The following CNNM1 variants were observed in gnomAD, a reference collection of about 807,000 sequenced individuals.
The protein encoded by CNNM1 is metal transporter CNNM1.
In CNNM1, 44 loss-of-function variants were observed where a neutral mutation model predicts 78.8. The ratio of observed to expected loss-of-function variants is 0.56; its 90% confidence interval spans 0.44 to 0.72. The LOEUF (loss-of-function observed/expected upper bound fraction) is 0.72, where lower values mean the gene tolerates loss of function less well. CNNM1 is among the 30% of genes least tolerant of loss of function. CNNM1 has a pLI of 0.00. For missense variants in CNNM1, 1,101 were observed against 1,292.2 expected (o/e 0.85, Z 2.27); for synonymous variants, 584 against 581.5 (o/e 1.00, Z -0.06).
chr10:99,356,622 A>AAAGAAAG (rs1258336501), intron 1 of CNNM1, among the ~76,000 whole-genome samples: 1 of 110,716 alleles, frequency 9.0e-6, no homozygotes, highest in African/African-American at 2.7e-5. Context: ...AGAAAGAAAG[A>AAAGAAAG]AAAGAAAAGA....
chr10:99,376,189 G>A (rs2031955524), intron 6 of CNNM1, among the ~76,000 whole-genome samples: 1 of 152,128 alleles, frequency 6.6e-6, no homozygotes, highest in Non-Finnish European at 1.5e-5. Context: ...GATGTGCTGA[G>A]CCAGAGCCTG....
At chr10:99,340,919 A>G (rs1318517939) in intron 1 of CNNM1, among the ~76,000 whole-genome samples, 4 of 93,220 alleles carry the variant, frequency 4.3e-5, no homozygotes, top group Admixed American at 3.8e-4. Flanking sequence ...CCTGTATTGA[A>G]TGGCCATTCT....
At chr10:99,345,562 G>T (rs980001483) in intron 1 of CNNM1, among the ~76,000 whole-genome samples, 1 of 152,166 alleles carries the variant, frequency 6.6e-6, no homozygotes, top group Non-Finnish European at 1.5e-5. Flanking sequence ...ACCTGAGAAT[G>T]ACACCATCTG....
intron 4 of CNNM1, among the ~76,000 whole-genome samples, chr10:99,362,615 A>T (rs2031477535): frequency 6.6e-6 from 1 of 152,008 alleles, no homozygotes; most frequent in Non-Finnish European, 1.5e-5. Context: ...TAGTTTGACA[A>T]CTCAGCGATG....
chr10:99,356,609 G>GAAAGAA (rs1564947475), intron 1 of CNNM1, among the ~76,000 whole-genome samples: 2 of 132,554 alleles, frequency 1.5e-5, no homozygotes, highest in Non-Finnish European at 3.2e-5. Context: ...AGAAAGAAAA[G>GAAAGAA]AAAGAAAGAA....
At position 99,388,176 on chromosome 10, in the gene CNNM1, G is replaced by C. The variant is rs374814462; in HGVS notation, c.2549G>C (p.Ser850Thr). The part of the protein sequence containing the change: ...LPCSRSDGLR[S>T]PSEVVYLRME... ...GGCAGCCGCTCAGACGGGCTGAGAA[G>C]CCCCAGCGAGGTAGTGTACCTGAGG... Residue 850 changes from serine (S) to threonine (T), a missense_variant, in exon 9 of 11, where the codon AGC (serine) becomes ACC (threonine). By Grantham distance (58) the Ser-to-Thr change is moderately conservative (BLOSUM62 1). Transcript: ENST00000356713. 1.2e-3 allele frequency: 1,966 copies of C among 1,613,788 alleles called. 30 individuals carry two copies. The South Asian group carries it at 0.021, about 17-fold the overall frequency.
intron 6 of CNNM1, among the ~76,000 whole-genome samples, chr10:99,371,289 G>A (rs995601929): frequency 6.6e-6 from 1 of 152,152 alleles, no homozygotes; most frequent in South Asian, 2.1e-4. Flanking sequence ...TCCAGGTTGT[G>A]GTGTGGTTAA....
chr10:99,366,625 T>A (rs950223717), intron 6 of CNNM1, among the ~76,000 whole-genome samples: 19 of 152,096 alleles, frequency 1.2e-4, no homozygotes, highest in African/African-American at 4.3e-4. Flanking sequence ...CTACTAAAAA[T>A]ACAAAAATTA....
chr10:99,361,108 A>G (rs2031418406), intron 3 of CNNM1, 133 bp downstream of exon 3: 2 of 1,012,882 alleles, frequency 2.0e-6, no homozygotes, highest in Non-Finnish European at 2.7e-6. Flanking sequence ...TCTAGGAAGG[A>G]GGTTGCCTTA....
chr10:99,370,943 GA>G (rs2031780789), intron 6 of CNNM1, among the ~76,000 whole-genome samples: 1 of 152,166 alleles, frequency 6.6e-6, no homozygotes, highest in Non-Finnish European at 1.5e-5. Flanking sequence ...AATAGTCATT[GA>G]AAAACAACAG....
chr10:99,380,919 GTTTC>G (rs2032126909), intron 7 of CNNM1, among the ~76,000 whole-genome samples: 2 of 152,150 alleles, frequency 1.3e-5, no homozygotes, highest in Non-Finnish European at 2.9e-5. Context: ...ACATGAGATA[GTTTC>G]AGTGTTGAAA....
chr10:99,329,492 C>T lies in CNNM1; in HGVS notation c.105C>T (p.Pro35=). 6.6e-7 allele frequency: 1 copy of T among 1,507,498 alleles called. No homozygotes were observed. Among genetic ancestry groups the T allele is most frequent in the South Asian group, 1.2e-5 (1 of 80,408 alleles). 93.4% of individuals were successfully genotyped at this position (1,507,498 alleles called of 1,614,324 possible). A position where few individuals can be genotyped will look rare whatever the true frequency, so the allele number is the denominator to read the frequency against. The part of the protein sequence containing the change: ...LLLFFSLSPR[P]PAAAAWLLGL... ...TCTTCTTTTCCCTGTCTCCTCGGCC[C>T]CCGGCCGCCGCCGCCTGGCTGCTGG... The change falls in exon 1 of 11, where the codon CCC becomes CCT. Residue 35 remains proline (P), a synonymous_variant. Transcript: ENST00000356713.
rs1456112722 is a variant in CNNM1 at position 99,364,460 on chromosome 10, A to G, written c.2072A>G (p.Glu691Gly). The change falls in exon 5 of 11, where the codon GAA becomes GGA. Residue 691 changes from glutamate to glycine, a missense_variant. Glu to Gly is a moderately conservative substitution (Grantham distance 98). Coordinates refer to ENST00000356713, the MANE Select transcript of CNNM1 (RefSeq NM_020348.3). The stretch of plus-strand genomic sequence containing the variant: ...GTTGGTAAGGAAGGCCTTCGCTTTG[A>G]AAATGGAGCCTTTACTTACTATGGC... ...VEVGKEGLRF[E>G]NGAFTYYGVP... is the part of the protein sequence containing the mutation. The G allele has an allele frequency of 1.2e-6, 2 of 1,612,680 alleles. No homozygotes were observed. Among genetic ancestry groups the G allele is most frequent in the Non-Finnish European group, 1.7e-6 (2 of 1,179,508 alleles).
chr10:99,368,905 T>C (rs2031717075), intron 6 of CNNM1, among the ~76,000 whole-genome samples: 1 of 152,238 alleles, frequency 6.6e-6, no homozygotes. Flanking sequence ...TATCTGTGTA[T>C]GCACATGGAA....
intron 6 of CNNM1, among the ~76,000 whole-genome samples, chr10:99,366,939 A>G (rs1312677171): frequency 6.6e-6 from 1 of 152,248 alleles, no homozygotes; most frequent in African/African-American, 2.4e-5. Flanking sequence ...GTTAACTGAA[A>G]AGAAACATAG....
In CNNM1 at chr10:99,359,678, A is replaced by G. The variant is rs546323665; in HGVS notation, c.1718-1157A>G. Among the ~76,000 whole-genome samples the G allele has an allele frequency of 3.0e-3, 453 of 152,242 alleles. 1 individual carries two copies. The highest frequency in any genetic ancestry group is 0.011 in the African/African-American group (440 of 41,540). On this transcript the variant is annotated intron_variant, in intron 2 of 10. Transcript: ENST00000356713. ...CAAAAGGAGAGGGGGCACACCAGGG[A>G]GCCGGATTCTGGGGCCTTATTTTCC...
intron 6 of CNNM1, among the ~76,000 whole-genome samples, chr10:99,375,032 A>G (rs553269660): frequency 3.0e-4 from 46 of 152,266 alleles, no homozygotes; most frequent in African/African-American, 1.1e-3. Flanking sequence ...GCAGACAGCC[A>G]TTAGCTGAGG....
chr10:99,389,366 G>A (rs1404187020), intron 9 of CNNM1, among the ~76,000 whole-genome samples: 2 of 145,786 alleles, frequency 1.4e-5, no homozygotes, highest in Non-Finnish European at 3.0e-5. Context: ...GCAGTGAGGC[G>A]AGATGGCGCC....
chr10:99,380,026 T>C (rs1437989629), intron 7 of CNNM1, among the ~76,000 whole-genome samples: 2 of 149,222 alleles, frequency 1.3e-5, no homozygotes, highest in African/African-American at 2.5e-5. Context: ...TCTCTCTTTT[T>C]TTTTTTTTTT....
Sources: gnomAD v4.1 joint callset for allele counts (sites outside exome capture counted in the v4.1 genomes callset) on GRCh38, gnomAD v4.1.1 for gene constraint, MANE v1.5 for transcripts, NCBI Gene and HGNC (gene_info 2026-07-23, HGNC 2026-07-21) for gene names.